RBFOX1: variants seen among roughly 807,000 people sequenced by gnomAD.
RBFOX1 encodes the protein RNA binding fox-1 homolog 1.
RBFOX1 carries 8 observed loss-of-function variants against 57.7 expected under a neutral mutation model. The ratio of observed to expected loss-of-function variants is 0.14; its 90% CI spans 0.08 to 0.25. The LOEUF (loss-of-function observed/expected upper bound fraction) is 0.25, where lower values mean the gene tolerates loss of function less well. RBFOX1 is among the 10% of genes least tolerant of loss of function. The pLI is 1.00. For missense variants in RBFOX1, 611 were observed against 548.5 expected, an observed-to-expected ratio of 1.11 and a Z score of -1.14; for synonymous variants, 326 against 222.4, an observed-to-expected ratio of 1.47 and a Z score of -4.15.
intron 3 of RBFOX1, among the ~76,000 whole-genome samples, chr16:5,649,806 AT>A (rs760294770): frequency 2.0e-5 from 3 of 152,204 alleles, no homozygotes; most frequent in East Asian, 3.9e-4. Context: ...CAACATGTAC[AT>A]GGGGTGGATT....
intron 2 of RBFOX1, among the ~76,000 whole-genome samples, chr16:6,454,533 A>C (rs887202268): frequency 1.3e-5 from 2 of 152,180 alleles, no homozygotes; most frequent in Non-Finnish European, 2.9e-5. Flanking sequence ...ACTGTAATTT[A>C]TGTGACTGAG....
intron 3 of RBFOX1, among the ~76,000 whole-genome samples, chr16:6,856,988 G>C (rs1164531721): frequency 1.3e-5 from 2 of 152,180 alleles, no homozygotes; most frequent in Non-Finnish European, 2.9e-5. Context: ...AGGAGGACTT[G>C]AGATAAATAT....
chr16:6,398,799 C>A (rs2092945819), intron 2 of RBFOX1, among the ~76,000 whole-genome samples: 1 of 152,214 alleles, frequency 6.6e-6, no homozygotes, highest in Non-Finnish European at 1.5e-5. Flanking sequence ...CAGGCTGTCG[C>A]TAGATCTACC....
chr16:7,295,852 T>G (rs1236006308), intron 4 of RBFOX1, among the ~76,000 whole-genome samples: 1 of 152,180 alleles, frequency 6.6e-6, no homozygotes, highest in African/African-American at 2.4e-5. Flanking sequence ...TTCAATTCAT[T>G]TGACCTTTAT....
chr16:7,581,009 T>C (rs1000647374), intron 6 of RBFOX1, among the ~76,000 whole-genome samples: 1 of 141,740 alleles, frequency 7.1e-6, no homozygotes, highest in Admixed American at 6.7e-5. Flanking sequence ...GTTGGTGGTG[T>C]CTCCATATAA....
At chr16:6,534,367 G>T (rs189751159) in intron 2 of RBFOX1, among the ~76,000 whole-genome samples, 2 of 152,058 alleles carry the variant, frequency 1.3e-5, no homozygotes, top group Non-Finnish European at 2.9e-5. Flanking sequence ...TGAAGCTGAC[G>T]AACAGGAGAA....
chr16:7,165,407 A>AATAATAATAATG (rs1172882737), intron 4 of RBFOX1, among the ~76,000 whole-genome samples: 6 of 147,070 alleles, frequency 4.1e-5, no homozygotes, highest in Non-Finnish European at 7.5e-5. Flanking sequence ...TAATAATAAT[A>AATAATAATAATG]ATGATAATAA....
intron 2 of RBFOX1, among the ~76,000 whole-genome samples, chr16:5,522,670 C>G (rs1017094587): frequency 8.5e-5 from 13 of 152,212 alleles, no homozygotes; most frequent in African/African-American, 3.1e-4. Context: ...ACCAGTCTCT[C>G]TCATCTCTCC....
chr16:6,912,894 A>G (rs2072063885), intron 3 of RBFOX1, among the ~76,000 whole-genome samples: 1 of 152,122 alleles, frequency 6.6e-6, no homozygotes, highest in Non-Finnish European at 1.5e-5. Flanking sequence ...TGCTGGGATT[A>G]CAGGCATGAG....
At chr16:6,676,929 G>T (rs2057824083) in intron 3 of RBFOX1, among the ~76,000 whole-genome samples, 1 of 151,902 alleles carries the variant, frequency 6.6e-6, no homozygotes, top group African/African-American at 2.4e-5. Flanking sequence ...GCCCACCTCG[G>T]CCTCCCAAAG....
intron 14 of RBFOX1, among the ~76,000 whole-genome samples, chr16:7,705,930 C>G: frequency 6.6e-6 from 1 of 152,320 alleles, no homozygotes; most frequent in East Asian, 1.9e-4. Context: ...CTACTGCCCA[C>G]TTTGGCCAGG....
Position 7,534,086 on chromosome 16 carries a change from C to CTTTTCTTT in RBFOX1, c.270+15701_270+15702insCTTTTTTT, listed in dbSNP as rs1555561495. 6.0e-3 allele frequency among the ~76,000 whole-genome samples: 783 copies of CTTTTCTTT among 129,884 alleles called. 7 individuals carry two copies. Among genetic ancestry groups the CTTTTCTTT allele is most frequent in the Middle Eastern group, 9.6e-3 (2 of 208 alleles). 85.2% of individuals were successfully genotyped at this position (129,884 alleles called of 152,430 possible). On this transcript the variant is annotated intron_variant, in intron 5 of 15. Coordinates refer to ENST00000550418, the MANE Select transcript of RBFOX1 (RefSeq NM_018723.4). Reference sequence around the variant, plus strand: ...TGTCAAAGGTCCCAACGTTTTTTTTCTTTTTTTTTTTTTTTTGGACATGCA... The same window carrying CTTTTCTTT: ...TGTCAAAGGTCCCAACGTTTTTTTTCTTTTCTTTTTTTTTTTTTTTTTTTGGACATGCA...
At chr16:7,194,754 C>T (rs1418515073) in intron 4 of RBFOX1, among the ~76,000 whole-genome samples, 1 of 145,784 alleles carries the variant, frequency 6.9e-6, no homozygotes, top group Non-Finnish European at 1.5e-5. Flanking sequence ...ATAGTCAAAC[C>T]TCATCTCTAC....
At chr16:6,795,637 G>T (rs1018318399) in intron 3 of RBFOX1, among the ~76,000 whole-genome samples, 1 of 151,876 alleles carries the variant, frequency 6.6e-6, no homozygotes, top group Non-Finnish European at 1.5e-5. Flanking sequence ...ATGGTTGGGG[G>T]TGCCTGTAAT....
At chr16:7,427,838 G>C (rs1053129879) in intron 4 of RBFOX1, among the ~76,000 whole-genome samples, 4 of 151,972 alleles carry the variant, frequency 2.6e-5, no homozygotes, top group African/African-American at 9.7e-5. Flanking sequence ...ATTTTTAGTA[G>C]AGATGGGGTT....
intron 1 of RBFOX1, among the ~76,000 whole-genome samples, chr16:5,257,178 CA>C (rs71404514): frequency 0.34 from 50,549 of 150,382 alleles, 8,615 homozygotes; most frequent in African/African-American, 0.41. Flanking sequence ...ACAGAAAACT[CA>C]AAAAAAAACA....
At chr16:7,211,851 G>A (rs564894975) in intron 4 of RBFOX1, among the ~76,000 whole-genome samples, 3 of 152,262 alleles carry the variant, frequency 2.0e-5, no homozygotes, top group South Asian at 4.1e-4. Flanking sequence ...GGTGGTTGCA[G>A]CGTTTCCTAA....
intron 3 of RBFOX1, among the ~76,000 whole-genome samples, chr16:5,804,017 C>T (rs1285278312): frequency 6.6e-6 from 1 of 152,108 alleles, no homozygotes; most frequent in African/African-American, 2.4e-5. Context: ...TCTGGGAAGT[C>T]TTGCCACAGT....
At chr16:6,278,318 A>G (rs1052853795) in intron 1 of RBFOX1, among the ~76,000 whole-genome samples, 1 of 133,952 alleles carries the variant, frequency 7.5e-6, no homozygotes, top group Non-Finnish European at 1.5e-5. Flanking sequence ...TTGCCCTGCA[A>G]GGTTCCTTCA....
Sources: allele counts gnomAD v4.1 joint callset (sites outside exome capture counted in the v4.1 genomes callset), GRCh38; gene constraint gnomAD v4.1.1; transcripts MANE v1.5; gene names NCBI Gene and HGNC (gene_info 2026-07-23, HGNC 2026-07-21).